Variants in ARHGAP27 observed in about 807,000 individuals in gnomAD.
ARHGAP27 encodes the protein Rho GTPase activating protein 27, also known as rho GTPase-activating protein 27.
A neutral mutation model predicts 102.0 loss-of-function variants in ARHGAP27; 53 were observed. That is an observed-to-expected ratio of 0.52 (90% CI 0.42 to 0.65). The LOEUF is 0.65. Among genes scored for constraint, ARHGAP27 ranks in the 30% least tolerant of loss-of-function variants. ARHGAP27 has a pLI of 0.00. For missense variants in ARHGAP27, 1,117 were observed against 1,256.2 expected (o/e 0.89, Z 1.68); for synonymous variants, 525 against 542.8 (o/e 0.97, Z 0.46).
At position 45,395,642 on chromosome 17, in the gene ARHGAP27, GGGGT is replaced by G; in HGVS notation, c.2493-13_2493-10del. On this transcript the variant is annotated splice_polypyrimidine_tract_variant and intron_variant, in intron 19 of 19. Coordinates refer to ENST00000685559, the MANE Select transcript of ARHGAP27 (RefSeq NM_001282290.2). ...CGCCGTGCTCGATCACCCTGTGGCA[GGGGT>G]GGGTGGGTTCAGGGCTCCGAACTGC... The G allele has an allele frequency of 6.9e-6, 11 of 1,596,692 alleles. No individual in the cohort carries two copies. The highest frequency in any genetic ancestry group is 9.4e-6 in the Non-Finnish European group (11 of 1,172,318).
Position 45,394,182 on chromosome 17 carries a change from G to A in ARHGAP27, c.*1274C>T, listed in dbSNP as rs889253987. On this transcript the variant is annotated 3_prime_UTR_variant, in exon 20 of 20. Coordinates refer to ENST00000685559, the MANE Select transcript of ARHGAP27 (RefSeq NM_001282290.2). ...ATGGGATAATCCAAGCCGAATGCTT[G>A]GCATGGTGCAAATGTCCAATAAATA... 3.3e-5 allele frequency: 5 copies of A among 152,422 alleles called. No individual in the cohort carries two copies. The highest frequency in any genetic ancestry group is 1.2e-4 in the African/African-American group (5 of 41,456). The allele number at this position is 152,422 out of a possible 1,614,324, so 9.4% of individuals were successfully genotyped here.
rs117940498 is a variant in ARHGAP27 at position 45,407,131 on chromosome 17, G to A, written c.658-1048C>T. 4.2e-4 allele frequency among the ~76,000 whole-genome samples: 64 copies of A among 152,228 alleles called. No homozygotes were observed. The East Asian group carries it at 8.9e-3, about 21-fold the overall frequency. ...AGCCCTTAACCAGGCACAAGAGACC[G>A]TCCCTCACCGGCCTGTGCTTCCACT... On this transcript the variant is annotated intron_variant, in intron 4 of 19. Transcript: ENST00000685559.
chr17:45,430,049 C>T lies in ARHGAP27; in HGVS notation c.231G>A (p.Ala77=). 2 of 1,264,570 alleles carry T rather than the reference C, an allele frequency of 1.6e-6. No homozygotes were observed. The highest frequency in any genetic ancestry group is 2.0e-6 in the Non-Finnish European group (2 of 1,007,404). The allele number at this position is 1,264,570 out of a possible 1,614,324, so 78.3% of individuals were successfully genotyped here. ...LPALGNPAAA[A]PPGPHPSPAA... ...CGGGGCTCGGGTGGGGACCTGGCGGCGCGGCGGCGGCAGGGTTGCCCAGCG... is the reference window on the plus strand; with the variant it reads ...CGGGGCTCGGGTGGGGACCTGGCGGTGCGGCGGCGGCAGGGTTGCCCAGCG... Residue 77 remains alanine (A), a synonymous_variant, in exon 4 of 20, where the codon GCG becomes GCA. Coordinates refer to ENST00000685559, the MANE Select transcript of ARHGAP27 (RefSeq NM_001282290.2). The surrounding 1 kb of genome is among the most constrained non-coding windows in gnomAD (Gnocchi z 4.4).
At chr17:45,403,010 C>T (rs528527496) in intron 11 of ARHGAP27, among the ~76,000 whole-genome samples, 192 bp from the exon 12 acceptor site, 1 of 152,364 alleles carries the variant, frequency 6.6e-6, no homozygotes, top group East Asian at 1.9e-4. Flanking sequence ...GGCATGTCCA[C>T]TGCTGCCCAC....
At chr17:45,421,239 G>C (rs929708266) in intron 4 of ARHGAP27, among the ~76,000 whole-genome samples, 6 of 149,834 alleles carry the variant, frequency 4.0e-5, no homozygotes, top group South Asian at 4.6e-4. Context: ...AGAACTTTGG[G>C]AGGCCAAGGC....
At chr17:45,413,955 A>C (rs1273351915) in intron 4 of ARHGAP27, among the ~76,000 whole-genome samples, 1 of 152,000 alleles carries the variant, frequency 6.6e-6, no homozygotes, top group Non-Finnish European at 1.5e-5. Flanking sequence ...AAAATACAAA[A>C]ATTAGCTGGG....
rs944228588 is a variant in ARHGAP27 at position 45,406,005 on chromosome 17, G to T, written c.736C>A (p.Pro246Thr). 4 of 1,534,904 alleles carry T rather than the reference G, an allele frequency of 2.6e-6. No individual in the cohort carries two copies. The highest frequency in any genetic ancestry group is 3.5e-6 in the Non-Finnish European group (4 of 1,146,346). The change falls in exon 5 of 20, where the codon CCC (proline) becomes ACC (threonine). Residue 246 changes from proline to threonine, a missense_variant. Transcript: ENST00000685559. The stretch of plus-strand genomic sequence containing the variant: ...GTCTCCCACACCGGGCTGGGAAGGG[G>T]GGCTGCAGCGGCGCCCGGTGAAGTG... ...RATSPGAAAAPLPSPVWETHT... is the reference protein window; with the variant it reads ...RATSPGAAAATLPSPVWETHT...
In ARHGAP27 at chr17:45,395,497, G is replaced by A. The variant is rs2045488635; in HGVS notation, c.2629C>T (p.Leu877Phe). ...TMVFQNQVVE[L>F]ILQQCADIFP... ...ATGTCCGCGCACTGCTGCAGGATGA[G>A]CTCCACCACCTGGTTCTGGAACACC... is the stretch of plus-strand genomic sequence containing the variant. The change falls in exon 20 of 20, where the codon CTC (leucine) becomes TTC (phenylalanine). Residue 877 changes from leucine (L) to phenylalanine (F), a missense_variant. Leu to Phe is a conservative substitution (Grantham distance 22). Coordinates refer to ENST00000685559, the MANE Select transcript of ARHGAP27 (RefSeq NM_001282290.2). 6.3e-7 allele frequency: 1 copy of A among 1,589,870 alleles called. No individual in the cohort carries two copies. Among genetic ancestry groups the A allele is most frequent in the Admixed American group, 1.7e-5 (1 of 57,180 alleles).
intron 4 of ARHGAP27, among the ~76,000 whole-genome samples, chr17:45,421,294 C>A (rs1378104593): frequency 6.6e-6 from 1 of 151,178 alleles, no homozygotes; most frequent in African/African-American, 2.4e-5. Context: ...GCCTGGGCAA[C>A]AAGGTGAAAC....
At chr17:45,415,868 G>A (rs1185786570) in intron 4 of ARHGAP27, among the ~76,000 whole-genome samples, 1 of 152,186 alleles carries the variant, frequency 6.6e-6, no homozygotes, top group Non-Finnish European at 1.5e-5. Flanking sequence ...GGACTTGGAC[G>A]GGATCCTGAA....
In ARHGAP27 at chr17:45,429,927, C is replaced by A; in HGVS notation, c.353G>T (p.Ser118Ile). ...GAPEESGGRA[S>I]SLCGPAQRGA... is the part of the protein sequence containing the mutation. ...GCGTTGCGCAGGGCCGCACAGGGAG[C>A]TGGCTCGGCCTCCGGACTCCTCGGG... Residue 118 changes from serine (S) to isoleucine (I), a missense_variant, in exon 4 of 20, where the codon AGC becomes ATC. By Grantham distance (142) the Ser-to-Ile change is moderately radical (BLOSUM62 -2). Around this residue, in one of 3 missense-constraint regions of ARHGAP27, gnomAD observed 610 missense variants for 716.4 expected, o/e 0.85. Transcript: ENST00000685559. 1.8e-6 allele frequency: 2 copies of A among 1,136,850 alleles called. No individual in the cohort carries two copies. The highest frequency in any genetic ancestry group is 3.6e-5 in the South Asian group (1 of 27,920). The allele number at this position is 1,136,850 out of a possible 1,614,324, so 70.4% of individuals were successfully genotyped here. A position where few individuals can be genotyped will look rare whatever the true frequency, so the allele number is the denominator to read the frequency against.
intron 13 of ARHGAP27, 160 bp downstream of exon 13, chr17:45,397,789 G>C (rs1314985588): frequency 1.9e-6 from 1 of 527,658 alleles, no homozygotes; most frequent in Non-Finnish European, 3.2e-6. Context: ...CTTACAGAAG[G>C]CAGTTTCTTC....
In ARHGAP27 at chr17:45,404,615, A is replaced by G. The variant is rs940087407; in HGVS notation, c.1315T>C (p.Trp439Arg). 3.1e-6 allele frequency: 5 copies of G among 1,613,756 alleles called. No homozygotes were observed. The African/African-American group carries it at 6.7e-5, about 22-fold the overall frequency. The change falls in exon 7 of 20, where the codon TGG becomes CGG. Residue 439 changes from tryptophan to arginine, a missense_variant. Physicochemically the swap from Trp to Arg is moderately radical, Grantham distance 101. Around this residue, in one of 3 missense-constraint regions of ARHGAP27, gnomAD observed 610 missense variants for 716.4 expected, o/e 0.85. Coordinates refer to ENST00000685559, the MANE Select transcript of ARHGAP27 (RefSeq NM_001282290.2). ...CAGGTTGTTACCTGGGGCAGCTCCC[A>G]TCGAACAGAGGAGTCCTCTGGATTG... is the stretch of plus-strand genomic sequence containing the variant. ...FYNPEDSSVRWELPQVPVPAP... is the reference protein window; with the variant it reads ...FYNPEDSSVRRELPQVPVPAP...
intron 12 of ARHGAP27, among the ~76,000 whole-genome samples, chr17:45,402,250 G>C (rs1026406736): frequency 6.6e-6 from 1 of 152,132 alleles, no homozygotes; most frequent in Non-Finnish European, 1.5e-5. Context: ...GGAGCCTCCT[G>C]TCTCTCTCAG....
At chr17:45,409,963 C>T in intron 4 of ARHGAP27, 1 of 463,856 alleles carries the variant, frequency 2.2e-6, no homozygotes, top group Non-Finnish European at 3.8e-6. Flanking sequence ...TCTCAGGCTC[C>T]AGGCTGCCCA....
chr17:45,431,076 C>T (rs1280504386), intron 3 of ARHGAP27, among the ~76,000 whole-genome samples: 8 of 151,910 alleles, frequency 5.3e-5, no homozygotes, highest in Admixed American at 4.6e-4. Flanking sequence ...AAAGGCCCTG[C>T]CCCTGTGGCC....
chr17:45,395,773 A>T lies in ARHGAP27; in HGVS notation c.2463T>A (p.Thr821=). 1 of 1,603,100 alleles carries T rather than the reference A, an allele frequency of 6.2e-7. No homozygotes were observed. Among genetic ancestry groups the T allele is most frequent in the Non-Finnish European group, 8.5e-7 (1 of 1,177,342 alleles). ...AGAGGTGCTGGAAGAGCATCCGCAG[A>T]GTGTCGTGGTTGGGAGCGGGCAGCG... ...VRSLPAPNHD[T]LRMLFQHLCR... is the part of the protein sequence containing the mutation. The change falls in exon 19 of 20, where the codon ACT becomes ACA. Residue 821 remains threonine (T), a synonymous_variant. Transcript: ENST00000685559.
Position 45,430,558 on chromosome 17 carries a change from T to TG in ARHGAP27, c.-18-262dup, listed in dbSNP as rs1442336605. ...TTTGACCCTTGCTTCAGTCCTGCGGTGGGGAGATTGTGGGTAGTCTTGGTC... is the reference window on the plus strand; with the variant it reads ...TTTGACCCTTGCTTCAGTCCTGCGGTGGGGGAGATTGTGGGTAGTCTTGGTC... On this transcript the variant is annotated intron_variant, in intron 3 of 19. Coordinates refer to ENST00000685559, the MANE Select transcript of ARHGAP27 (RefSeq NM_001282290.2). The surrounding 1 kb of genome is among the most constrained non-coding windows in gnomAD (Gnocchi z 4.4). Among the ~76,000 whole-genome samples, 1 of 152,164 alleles carries TG rather than the reference T, an allele frequency of 6.6e-6. No individual in the cohort carries two copies. The highest frequency in any genetic ancestry group is 2.4e-5 in the African/African-American group (1 of 41,436).
intron 4 of ARHGAP27, among the ~76,000 whole-genome samples, chr17:45,417,463 CA>C (rs879438055): frequency 1.3e-3 from 163 of 129,190 alleles, no homozygotes; most frequent in Admixed American, 1.4e-3. Context: ...GACTCAGTAT[CA>C]AAAAAAAAAA....
Sources: gnomAD v4.1 joint callset for allele counts (sites outside exome capture counted in the v4.1 genomes callset) on GRCh38, gnomAD v4.1.1 for gene constraint, gnomAD v4.1.1 regional missense constraint, Gnocchi (gnomAD v3.1) non-coding constraint, MANE v1.5 for transcripts, NCBI Gene and HGNC (gene_info 2026-07-23, HGNC 2026-07-21) for gene names.